The following WWOX variants were observed in gnomAD, a reference collection of about 807,000 sequenced individuals.
The protein encoded by WWOX is WW domain-containing oxidoreductase.
In WWOX, 69 loss-of-function variants were observed where a neutral mutation model predicts 46.2. The ratio of observed to expected loss-of-function variants is 1.49; its 90% CI spans 1.23 to 1.82. The LOEUF is 1.82. Among genes scored for constraint, WWOX ranks in the 40% most tolerant of loss-of-function variants. The probability of loss-of-function intolerance (pLI) is 0.00; values close to 1 mark genes in which losing one functional copy is unlikely to be tolerated. For synonymous variants in WWOX, 359 were observed against 202.6 expected (o/e 1.77, Z -6.56); for missense variants, 919 against 542.6 (o/e 1.69, Z -6.89).
intron 8 of WWOX, among the ~76,000 whole-genome samples, chr16:78,621,382 C>A (rs2046177406): frequency 6.6e-6 from 1 of 151,846 alleles, no homozygotes; most frequent in Admixed American, 6.6e-5. Flanking sequence ...TGTCTTACCT[C>A]CTCATCCTCA....
intron 8 of WWOX, among the ~76,000 whole-genome samples, chr16:78,759,523 G>T (rs1001637745): frequency 6.6e-6 from 1 of 151,722 alleles, no homozygotes; most frequent in African/African-American, 2.4e-5. Context: ...CAGTGGGTGA[G>T]CCTGCCCATA....
At chr16:78,946,965 G>A (rs547543619) in intron 8 of WWOX, among the ~76,000 whole-genome samples, 8 of 152,176 alleles carry the variant, frequency 5.3e-5, no homozygotes, top group African/African-American at 1.7e-4. Flanking sequence ...AGTTGGTATC[G>A]CACGCAGGCA....
intron 4 of WWOX, chr16:78,124,427 C>A (rs1597234034): frequency 6.6e-6 from 1 of 152,146 alleles, no homozygotes; most frequent in Admixed American, 6.5e-5. Context: ...ATGACACAGA[C>A]CTTCTTGGAC....
At chr16:78,983,683 G>C (rs540796159) in intron 8 of WWOX, among the ~76,000 whole-genome samples, 2 of 152,162 alleles carry the variant, frequency 1.3e-5, no homozygotes, top group East Asian at 1.9e-4. Flanking sequence ...AACTAGTCTT[G>C]ATCCCTGAAT....
At chr16:78,631,201 G>A (rs903049756) in intron 8 of WWOX, among the ~76,000 whole-genome samples, 1 of 152,090 alleles carries the variant, frequency 6.6e-6, no homozygotes, top group Non-Finnish European at 1.5e-5. Context: ...GGATACTGAG[G>A]GACAACTGTA....
At chr16:78,262,966 TG>T (rs2079278013) in intron 5 of WWOX, among the ~76,000 whole-genome samples, 1 of 151,720 alleles carries the variant, frequency 6.6e-6, no homozygotes, top group Non-Finnish European at 1.5e-5. Flanking sequence ...TTTTTAGCCC[TG>T]CTCAACTCTC....
chr16:78,661,111 G>T (rs948728276), intron 8 of WWOX, among the ~76,000 whole-genome samples: 2 of 152,156 alleles, frequency 1.3e-5, no homozygotes, highest in African/African-American at 4.8e-5. Flanking sequence ...AGAAGTGGTG[G>T]AACAAAGGCA....
intron 8 of WWOX, chr16:78,551,643 T>C (rs1394518721): frequency 6.7e-6 from 1 of 149,346 alleles, no homozygotes; most frequent in African/African-American, 2.6e-5. Flanking sequence ...CTGATGCCAC[T>C]GCCCCCGCCC....
At chr16:78,121,703 G>A (rs4888745) in intron 4 of WWOX, among the ~76,000 whole-genome samples, 1 of 150,956 alleles carries the variant, frequency 6.6e-6, no homozygotes, top group Non-Finnish European at 1.5e-5. Context: ...ACTCTGTTGC[G>A]CAGGCTGGAG....
chr16:78,224,229 T>C (rs1280227234), intron 5 of WWOX, among the ~76,000 whole-genome samples: 3 of 152,100 alleles, frequency 2.0e-5, no homozygotes, highest in African/African-American at 7.2e-5. Context: ...GGTCTCTATC[T>C]CCTGACCTCG....
At chr16:78,685,821 C>G (rs995261526) in intron 8 of WWOX, among the ~76,000 whole-genome samples, 2 of 151,132 alleles carry the variant, frequency 1.3e-5, no homozygotes, top group Non-Finnish European at 2.9e-5. Context: ...TGTTGAGAGC[C>G]TGGTGGGAGG....
At chr16:79,154,741 T>A (rs889260386) in intron 8 of WWOX, among the ~76,000 whole-genome samples, 18 of 152,212 alleles carry the variant, frequency 1.2e-4, no homozygotes, top group Admixed American at 9.2e-4. Flanking sequence ...TAAACCAGTT[T>A]TCATGTCTTT....
At chr16:79,133,747 T>A (rs2049928214) in intron 8 of WWOX, among the ~76,000 whole-genome samples, 1 of 152,286 alleles carries the variant, frequency 6.6e-6, no homozygotes. Flanking sequence ...GTTTTCCTAA[T>A]GGTGGCTGGT....
chr16:78,126,541 T>C (rs2033369816), intron 4 of WWOX, among the ~76,000 whole-genome samples: 1 of 152,176 alleles, frequency 6.6e-6, no homozygotes. Context: ...CGATTACTAA[T>C]TGATTGCTTG....
At chr16:78,895,888 A>C (rs902115616) in intron 8 of WWOX, 1 of 152,208 alleles carries the variant, frequency 6.6e-6, no homozygotes, top group African/African-American at 2.4e-5. Flanking sequence ...AACCTCAGTC[A>C]TTCTTTCGTA....
intron 8 of WWOX, among the ~76,000 whole-genome samples, chr16:78,648,331 C>G (rs1320398019): frequency 1.3e-5 from 2 of 152,200 alleles, no homozygotes; most frequent in Non-Finnish European, 1.5e-5. Context: ...CTGGTGGGTG[C>G]TCACTCCTTC....
At chr16:78,465,289 A>C (rs1009176487) in intron 8 of WWOX, among the ~76,000 whole-genome samples, 36 of 152,238 alleles carry the variant, frequency 2.4e-4, no homozygotes, top group African/African-American at 8.7e-4. Context: ...TAGACTTAAA[A>C]CCATTCAGCC....
intron 8 of WWOX, among the ~76,000 whole-genome samples, chr16:79,197,734 G>A (rs552444367): frequency 3.9e-5 from 6 of 152,098 alleles, no homozygotes; most frequent in East Asian, 1.9e-4. Flanking sequence ...TGTTTGCTAC[G>A]GATTGTGGTG....
chr16:79,137,081 C>A (rs2049996264), intron 8 of WWOX, among the ~76,000 whole-genome samples: 1 of 152,180 alleles, frequency 6.6e-6, no homozygotes, highest in Admixed American at 6.5e-5. Context: ...CCAGCTAATT[C>A]CGGTTTCATT....
Sources: gnomAD v4.1 joint callset for allele counts (sites outside exome capture counted in the v4.1 genomes callset) on GRCh38, gnomAD v4.1.1 for gene constraint, MANE v1.5 for transcripts, NCBI Gene and HGNC (gene_info 2026-07-23, HGNC 2026-07-21) for gene names.